TRANK1: variants seen among roughly 807,000 people sequenced by gnomAD.
The protein encoded by TRANK1 is TPR and ankyrin repeat-containing protein 1.
In TRANK1, 198 loss-of-function variants were observed where a neutral mutation model predicts 266.0. The observed-to-expected ratio is 0.74, with a 90% CI of 0.66 to 0.84. TRANK1 has a LOEUF of 0.84. Among genes scored for constraint, TRANK1 ranks in the 40% least tolerant of loss-of-function variants. TRANK1 has a pLI of 0.00. For synonymous variants in TRANK1, 1,396 were observed against 1,384.1 expected (o/e 1.01, Z -0.19); for missense variants, 3,326 against 3,634.6 (o/e 0.92, Z 2.18).
chr3:36,880,552 G>A (rs559186606), intron 8 of TRANK1: 13 of 189,060 alleles, frequency 6.9e-5, no homozygotes, highest in African/African-American at 2.9e-4. Context: ...GTATCATGAC[G>A]TTCTTCCATC....
intron 4 of TRANK1, among the ~76,000 whole-genome samples, chr3:36,896,765 C>T (rs1022012963): frequency 1.6e-4 from 25 of 152,120 alleles, no homozygotes; most frequent in African/African-American, 5.8e-4. Context: ...GAGGCCAAGG[C>T]GGGCAGATCA....
In TRANK1 at chr3:36,903,295, G is replaced by C; in HGVS notation, c.156-20C>G. The stretch of plus-strand genomic sequence containing the variant: ...GGAACCCTGTAAGAACAAACCGGTG[G>C]TCTGTCATGGTTCTGCAAATACAGA... On this transcript the variant is annotated intron_variant, in intron 2 of 23. Transcript: ENST00000645898. 6.5e-7 allele frequency: 1 copy of C among 1,535,118 alleles called. No homozygotes were observed. Among genetic ancestry groups the C allele is most frequent in the Admixed American group, 2.0e-5 (1 of 50,914 alleles).
chr3:36,892,104 T>G, intron 7 of TRANK1, 98 bp downstream of exon 7: 1 of 1,360,966 alleles, frequency 7.3e-7, no homozygotes, highest in Non-Finnish European at 9.8e-7. Flanking sequence ...ATGGTCTGCA[T>G]TCAAGTGGCT....
At chr3:36,911,016 GCC>G (rs1347989718) in intron 1 of TRANK1, among the ~76,000 whole-genome samples, 11 of 152,012 alleles carry the variant, frequency 7.2e-5, no homozygotes, top group Admixed American at 7.2e-4. Flanking sequence ...GTTGCAGTGA[GCC>G]AAGATCACGC....
At chr3:36,925,316 CAG>C (rs1402483223) in intron 1 of TRANK1, among the ~76,000 whole-genome samples, 2 of 152,186 alleles carry the variant, frequency 1.3e-5, no homozygotes, top group East Asian at 1.9e-4. Context: ...AAGAAAAAGT[CAG>C]AGCTCAAATG....
At chr3:36,938,080 G>A (rs2125670402) in intron 1 of TRANK1, among the ~76,000 whole-genome samples, 1 of 152,316 alleles carries the variant, frequency 6.6e-6, no homozygotes, top group African/African-American at 2.4e-5. Flanking sequence ...TGCTGCATGG[G>A]GAGGGTCTGG....
At chr3:36,849,668 C>A (rs2078961373) in intron 15 of TRANK1, among the ~76,000 whole-genome samples, 1 of 152,220 alleles carries the variant, frequency 6.6e-6, no homozygotes, top group African/African-American at 2.4e-5. Flanking sequence ...TTGAAAGAAA[C>A]CCCATGTAAG....
At chr3:36,934,521 T>G (rs1341238928) in intron 1 of TRANK1, among the ~76,000 whole-genome samples, 1 of 152,170 alleles carries the variant, frequency 6.6e-6, no homozygotes, top group Non-Finnish European at 1.5e-5. Context: ...GTTTCATCCT[T>G]CTCTACAGCT....
chr3:36,882,821 C>T (rs2079549959), intron 8 of TRANK1, among the ~76,000 whole-genome samples: 2 of 152,228 alleles, frequency 1.3e-5, no homozygotes, highest in Middle Eastern at 3.4e-3. Context: ...GGGAAAGAGA[C>T]ATGAACATAT....
chr3:36,919,963 T>C (rs997823993), intron 1 of TRANK1, among the ~76,000 whole-genome samples: 2 of 152,126 alleles, frequency 1.3e-5, no homozygotes, highest in Admixed American at 6.5e-5. Flanking sequence ...TAGATGACAA[T>C]ATGCCAGGCC....
At chr3:36,830,441 C>T (rs1044134051) in intron 22 of TRANK1, among the ~76,000 whole-genome samples, 6 of 152,182 alleles carry the variant, frequency 3.9e-5, no homozygotes, top group African/African-American at 7.2e-5. Flanking sequence ...CAGCTACACA[C>T]TTCCAGATCT....
In TRANK1 at chr3:36,857,082, C is replaced by T. The variant is rs1468893803; in HGVS notation, c.2640G>A (p.Lys880=). ...AGAGCTGGATGCTTCCTTTCAGGTG[C>T]TTCAGTCGCTTCTGCAGGCCCTGGG... ...EWTQGLQKRL[K]HLKGSIQLFE... The change falls in exon 13 of 24, where the codon AAG becomes AAA. Residue 880 remains lysine, a synonymous_variant. Coordinates refer to ENST00000645898, the MANE Select transcript of TRANK1 (RefSeq NM_001329998.2). The surrounding 1 kb of genome is among the most constrained non-coding windows in gnomAD (Gnocchi z 4.3). 4 of 1,613,932 alleles carry T rather than the reference C, an allele frequency of 2.5e-6. No homozygotes were observed. The highest frequency in any genetic ancestry group is 1.3e-5 in the African/African-American group (1 of 74,950).
Position 36,857,822 on chromosome 3 carries a change from G to A in TRANK1, c.1900C>T (p.Arg634Trp), listed in dbSNP as rs369241300. The part of the protein sequence containing the change: ...KNKEGKDARH[R>W]IKKNDSLLLA... ...AGCAGAGAGTCGTTCTTCTTAATCC[G>A]GTGCCGTGCATCTTTGCCCTCTTTG... Residue 634 changes from arginine (R) to tryptophan (W), a missense_variant, in exon 13 of 24, where the codon CGG (arginine) becomes TGG (tryptophan). Coordinates refer to ENST00000645898, the MANE Select transcript of TRANK1 (RefSeq NM_001329998.2). The surrounding 1 kb of genome is among the most constrained non-coding windows in gnomAD (Gnocchi z 4.3). 18 of 1,613,672 alleles carry A rather than the reference G, an allele frequency of 1.1e-5. No homozygotes were observed. The highest frequency in any genetic ancestry group is 1.4e-5 in the Non-Finnish European group (16 of 1,179,874).
In TRANK1 at chr3:36,857,697, G is replaced by A. The variant is rs2079077764; in HGVS notation, c.2025C>T (p.His675=). ...AACCCTGGGACTTGAGCTGAGATGT[G>A]TGACCAGGGGCAGTGGACTTTGAGA... ...GKLSKSTAPG[H]TSQLKSQGSF... Residue 675 remains histidine (H), a synonymous_variant, in exon 13 of 24, where the codon CAC becomes CAT. Coordinates refer to ENST00000645898, the MANE Select transcript of TRANK1 (RefSeq NM_001329998.2). This position sits in a 1 kb window ranked among gnomAD's most constrained non-coding sequence, Gnocchi z 4.3. The A allele has an allele frequency of 6.2e-7, 1 of 1,614,042 alleles. No homozygotes were observed. The highest frequency in any genetic ancestry group is 2.2e-5 in the East Asian group (1 of 44,878).
At chr3:36,874,465 T>C in intron 8 of TRANK1, among the ~76,000 whole-genome samples, 169 bp from the exon 9 acceptor site, 1 of 152,080 alleles carries the variant, frequency 6.6e-6, no homozygotes, top group East Asian at 1.9e-4. Context: ...CTCAACTCCC[T>C]GAAGCAAGGA....
At chr3:36,863,800 C>A (rs2079176159) in intron 10 of TRANK1, among the ~76,000 whole-genome samples, 2 of 152,160 alleles carry the variant, frequency 1.3e-5, no homozygotes, top group Non-Finnish European at 2.9e-5. Context: ...GTTTCTCTGG[C>A]CATGCCTTCT....
At chr3:36,840,015 G>C (rs764555661) in intron 18 of TRANK1, among the ~76,000 whole-genome samples, 2 of 152,128 alleles carry the variant, frequency 1.3e-5, no homozygotes, top group Non-Finnish European at 2.9e-5. Flanking sequence ...ATTCTCATCT[G>C]TGCCAGTTCC....
chr3:36,888,960 C>T (rs56149992), intron 8 of TRANK1, among the ~76,000 whole-genome samples: 43,662 of 152,028 alleles, frequency 0.29, 6,952 homozygotes, highest in Non-Finnish European at 0.37. Flanking sequence ...GCAGGAGAAT[C>T]CCTTGAACCT....
chr3:36,861,031 G>T lies in TRANK1; in HGVS notation c.1370C>A (p.Pro457Gln). Residue 457 changes from proline to glutamine, a missense_variant, in exon 11 of 24, where the codon CCG becomes CAG. Transcript: ENST00000645898. Reference sequence around the variant, plus strand: ...GTCTTTGATGAGGCAATCCCCAAGCGGTGGTTCTCCACTTACTTTGCGGGT... The same window carrying T: ...GTCTTTGATGAGGCAATCCCCAAGCTGTGGTTCTCCACTTACTTTGCGGGT... Reference protein sequence around the residue: ...LLTRKVSGEPPLGDCLIKDCN... With the variant: ...LLTRKVSGEPQLGDCLIKDCN... 1 of 1,537,844 alleles carries T rather than the reference G, an allele frequency of 6.5e-7. No homozygotes were observed. The highest frequency in any genetic ancestry group is 8.7e-7 in the Non-Finnish European group (1 of 1,147,050).
Sources: allele counts gnomAD v4.1 joint callset (sites outside exome capture counted in the v4.1 genomes callset), GRCh38; gene constraint gnomAD v4.1.1; non-coding constraint Gnocchi (gnomAD v3.1); transcripts MANE v1.5; gene names NCBI Gene and HGNC (gene_info 2026-07-23, HGNC 2026-07-21).